CCDC33: variants seen among roughly 807,000 people sequenced by gnomAD.
CCDC33 encodes coiled-coil domain containing 33, also known as coiled-coil domain-containing protein 33.
In CCDC33, 94 loss-of-function variants were observed where a neutral mutation model predicts 91.9. That is an observed-to-expected ratio of 1.02 (90% CI 0.87 to 1.21). The LOEUF is 1.21. Among genes scored for constraint, CCDC33 ranks in the 50% most tolerant of loss-of-function variants. The pLI is 0.00. For missense variants in CCDC33, 940 were observed against 935.5 expected, an observed-to-expected ratio of 1.00 and a Z score of -0.06; for synonymous variants, 396 against 374.5, an observed-to-expected ratio of 1.06 and a Z score of -0.66.
intron 11 of CCDC33, among the ~76,000 whole-genome samples, chr15:74,322,521 G>A (rs2060227430): frequency 6.6e-6 from 1 of 152,236 alleles, no homozygotes; most frequent in Non-Finnish European, 1.5e-5. Flanking sequence ...AAGATTCACT[G>A]AGTGACTTCA....
chr15:74,313,479 C>T (rs945562263), intron 11 of CCDC33, among the ~76,000 whole-genome samples: 8 of 135,520 alleles, frequency 5.9e-5, no homozygotes, highest in African/African-American at 2.1e-4. Context: ...AGTACAGTGG[C>T]GCGATCTCAG....
upstream of CCDC33, among the ~76,000 whole-genome samples, chr15:74,213,983 C>G (rs568877012): frequency 6.6e-6 from 1 of 152,146 alleles, no homozygotes; most frequent in Non-Finnish European, 1.5e-5. Flanking sequence ...GTCCCAGCCC[C>G]AGATCCTTGG....
At chr15:74,323,093 AC>A (rs2060238621) in intron 11 of CCDC33, among the ~76,000 whole-genome samples, 1 of 151,584 alleles carries the variant, frequency 6.6e-6, no homozygotes, top group Non-Finnish European at 1.5e-5. Context: ...CTCTCTCTCC[AC>A]CACTATGCCT....
At position 74,330,361 on chromosome 15, in the gene CCDC33, A is replaced by T. The variant is rs1265116816; in HGVS notation, c.1456+7A>T. 1 of 1,579,830 alleles carries T rather than the reference A, an allele frequency of 6.3e-7. No homozygotes were observed. Among genetic ancestry groups the T allele is most frequent in the South Asian group, 1.1e-5 (1 of 87,430 alleles). ...AGTGAGGCCCAGAACACGGGTGAGGATGTGCAGGCCACCAAGGGCACCCGG... is the reference window on the plus strand; with the variant it reads ...AGTGAGGCCCAGAACACGGGTGAGGTTGTGCAGGCCACCAAGGGCACCCGG... On this transcript the variant is annotated splice_region_variant and intron_variant, in intron 12 of 18. Coordinates refer to ENST00000398814, the MANE Select transcript of CCDC33 (RefSeq NM_025055.5).
Position 74,280,696 on chromosome 15 carries a change from C to T in CCDC33, c.918C>T (p.Asn306=). The change falls in exon 9 of 19, where the codon AAC becomes AAT. Residue 306 remains asparagine (N), a synonymous_variant. Transcript: ENST00000398814. ...AAGGCAGCCAGCCGTGGACCCTCAACCAGCCCCTGGGCATCTCTGTGTTGC... is the reference window on the plus strand; with the variant it reads ...AAGGCAGCCAGCCGTGGACCCTCAATCAGCCCCTGGGCATCTCTGTGTTGC... The part of the protein sequence containing the change: ...SMKGSQPWTL[N]QPLGISVLPL... 1.3e-6 allele frequency: 2 copies of T among 1,531,056 alleles called. No individual in the cohort carries two copies. The highest frequency in any genetic ancestry group is 1.8e-6 in the Non-Finnish European group (2 of 1,137,948). The allele number at this position is 1,531,056 out of a possible 1,614,324, so 94.8% of individuals were successfully genotyped here.
chr15:74,239,786 C>T (rs2075287589), intron 1 of CCDC33, among the ~76,000 whole-genome samples: 1 of 152,026 alleles, frequency 6.6e-6, no homozygotes, highest in Non-Finnish European at 1.5e-5. Flanking sequence ...CTCCCCAGGG[C>T]TCACCACACC....
At chr15:74,237,666 C>A (rs2075211400) in intron 1 of CCDC33, among the ~76,000 whole-genome samples, 1 of 152,144 alleles carries the variant, frequency 6.6e-6, no homozygotes, top group African/African-American at 2.4e-5. Flanking sequence ...TTCTGTAATG[C>A]CACACACTCA....
intron 12 of CCDC33, 30 bp downstream of exon 12, chr15:74,330,384 C>A: frequency 1.3e-6 from 2 of 1,530,728 alleles, no homozygotes; most frequent in Middle Eastern, 2.4e-4. Flanking sequence ...CAAGGGCACC[C>A]GGGCTTCTGC....
intron 1 of CCDC33, among the ~76,000 whole-genome samples, chr15:74,237,865 G>C (rs1180456091): frequency 6.6e-6 from 1 of 152,206 alleles, no homozygotes; most frequent in Non-Finnish European, 1.5e-5. Context: ...TGCTCATCAT[G>C]GCCGGGGGTG....
At chr15:74,204,940 A>AGAAAGAAAGAAAGAAAGAAAG (rs10647648) in intron 1 of CCDC33, among the ~76,000 whole-genome samples, 1 of 151,624 alleles carries the variant, frequency 6.6e-6, no homozygotes. Context: ...ATCTCAAAAA[A>AGAAAGAAAGAAAGAAAGAAAG]AAAGAAAGAA....
intron 11 of CCDC33, among the ~76,000 whole-genome samples, chr15:74,317,887 GTTT>G (rs71137385): frequency 3.6e-5 from 4 of 110,492 alleles, no homozygotes; most frequent in South Asian, 3.5e-4. Flanking sequence ...GTTTGGGTTT[GTTT>G]TTTTTTTTTT....
chr15:74,254,733 C>G (rs1444418695), intron 2 of CCDC33, among the ~76,000 whole-genome samples: 1 of 150,154 alleles, frequency 6.7e-6, no homozygotes, highest in Admixed American at 6.6e-5. Context: ...CTCTGCATCT[C>G]TACCCTCCTT....
intron 2 of CCDC33, among the ~76,000 whole-genome samples, chr15:74,211,656 G>A (rs576810859): frequency 7.2e-5 from 11 of 152,012 alleles, no homozygotes; most frequent in Admixed American, 3.3e-4. Context: ...TGCCCACCTC[G>A]GCCTCCCAAA....
At chr15:74,322,697 TG>T (rs1245949314) in intron 11 of CCDC33, among the ~76,000 whole-genome samples, 1 of 152,198 alleles carries the variant, frequency 6.6e-6, no homozygotes, top group Non-Finnish European at 1.5e-5. Flanking sequence ...ATATGAGCTG[TG>T]GGCCACTCAG....
upstream of CCDC33, among the ~76,000 whole-genome samples, chr15:74,233,269 C>A (rs2075042100): frequency 6.6e-6 from 1 of 152,178 alleles, no homozygotes. Flanking sequence ...AAGTCCCTGC[C>A]CCTCCTTTGA....
chr15:74,264,520 G>A (rs866463631), intron 3 of CCDC33, among the ~76,000 whole-genome samples: 10 of 152,128 alleles, frequency 6.6e-5, no homozygotes, highest in Admixed American at 2.0e-4. Flanking sequence ...AAAATGTACG[G>A]CACTCACCTC....
chr15:74,274,901 G>A (rs1311140346), intron 7 of CCDC33, among the ~76,000 whole-genome samples: 2 of 152,258 alleles, frequency 1.3e-5, no homozygotes, highest in African/African-American at 4.8e-5. Context: ...GCTGGGCCAG[G>A]TTGGGAATTT....
intron 2 of CCDC33, among the ~76,000 whole-genome samples, chr15:74,248,901 C>T (rs2075618518): frequency 6.6e-6 from 1 of 152,134 alleles, no homozygotes; most frequent in Admixed American, 6.5e-5. Context: ...CTGCATCCAA[C>T]GGGCATCTCA....
chr15:74,218,435 A>G lies in CCDC33; in HGVS notation c.311-62A>G. On this transcript the variant is annotated intron_variant, in intron 1 of 2. Coordinates refer to the CCDC33 transcript ENST00000635913. The surrounding 1 kb of genome is among the most constrained non-coding windows in gnomAD (Gnocchi z 4.8). Reference sequence around the variant, plus strand: ...TCCCCAGGGCCCTGCCTGTCCTCCTAGTCACCTGGCAGATGCAGAGAAACC... The same window carrying G: ...TCCCCAGGGCCCTGCCTGTCCTCCTGGTCACCTGGCAGATGCAGAGAAACC... The G allele has an allele frequency of 8.2e-7, 1 of 1,226,134 alleles. No individual in the cohort carries two copies. 76.0% of individuals were successfully genotyped at this position (1,226,134 alleles called of 1,614,324 possible).
Sources: allele counts gnomAD v4.1 joint callset (sites outside exome capture counted in the v4.1 genomes callset), GRCh38; gene constraint gnomAD v4.1.1; non-coding constraint Gnocchi (gnomAD v3.1); transcripts MANE v1.5; gene names NCBI Gene and HGNC (gene_info 2026-07-23, HGNC 2026-07-21).